The following DPP6 variants were observed in gnomAD, a reference collection of about 807,000 sequenced individuals.
DPP6 encodes dipeptidyl peptidase like 6.
Under a neutral mutation model 122.6 loss-of-function variants are expected in DPP6, and 69 were observed. The ratio of observed to expected loss-of-function variants is 0.56; its 90% confidence interval spans 0.46 to 0.69. The LOEUF (loss-of-function observed/expected upper bound fraction) is 0.69. Ranked by LOEUF, DPP6 falls within the 30% of genes least tolerant of loss-of-function variation. DPP6 has a pLI of 0.00. For missense variants in DPP6, 928 were observed against 1,116.9 expected, an observed-to-expected ratio of 0.83 and a Z score of 2.41; for synonymous variants, 418 against 433.1, an observed-to-expected ratio of 0.97 and a Z score of 0.43.
chr7:154,448,355 A>G (rs954248751), intron 2 of DPP6, among the ~76,000 whole-genome samples: 2 of 152,206 alleles, frequency 1.3e-5, no homozygotes, highest in African/African-American at 4.8e-5. Flanking sequence ...TAAGATACTT[A>G]AGAATAAATT....
At chr7:154,763,114 C>G (rs1795663991) in intron 8 of DPP6, among the ~76,000 whole-genome samples, 1 of 152,164 alleles carries the variant, frequency 6.6e-6, no homozygotes, top group African/African-American at 2.4e-5. Flanking sequence ...GGTGGATCAC[C>G]CGAGGTCAGG....
intron 16 of DPP6, among the ~76,000 whole-genome samples, chr7:154,849,382 A>G (rs928251688): frequency 1.1e-4 from 17 of 152,232 alleles, no homozygotes; most frequent in Non-Finnish European, 1.9e-4. Context: ...TTCAGTATAC[A>G]TATTTTTTAC....
At chr7:153,819,189 C>A in the DPP6 span, among the ~76,000 whole-genome samples, 1 of 130,736 alleles carries the variant, frequency 7.6e-6, no homozygotes, top group African/African-American at 3.0e-5. Flanking sequence ...TTTTATTACC[C>A]AGGTATGAAG....
At chr7:153,983,146 A>G (rs1796675932) in intron 1 of DPP6, among the ~76,000 whole-genome samples, 1 of 152,220 alleles carries the variant, frequency 6.6e-6, no homozygotes, top group Non-Finnish European at 1.5e-5. Flanking sequence ...CTGCGCCCAC[A>G]GCCGCCCCTT....
At chr7:154,292,428 G>C (rs184644868) in intron 1 of DPP6, among the ~76,000 whole-genome samples, 1 of 152,304 alleles carries the variant, frequency 6.6e-6, no homozygotes, top group African/African-American at 2.4e-5. Flanking sequence ...AGGGCAATCT[G>C]TCAGCATTCG....
chr7:154,162,932 G>A (rs1464454357), intron 1 of DPP6, among the ~76,000 whole-genome samples: 1 of 151,318 alleles, frequency 6.6e-6, no homozygotes, highest in Non-Finnish European at 1.5e-5. Context: ...CACCCAGAAT[G>A]TATGCCTTGC....
At chr7:153,813,337 C>T in the DPP6 span, among the ~76,000 whole-genome samples, 1 of 152,102 alleles carries the variant, frequency 6.6e-6, no homozygotes, top group Non-Finnish European at 1.5e-5. Context: ...TCATCCATGT[C>T]CCTACAAAGG....
chr7:154,371,263 C>T (rs1205091999), intron 1 of DPP6, among the ~76,000 whole-genome samples: 1 of 151,000 alleles, frequency 6.6e-6, no homozygotes, highest in Non-Finnish European at 1.5e-5. Flanking sequence ...CCTATAATCC[C>T]AGCTACTCGG....
Position 154,867,983 on chromosome 7 carries a change from C to A in DPP6, c.1715-12C>A. ...ACTGCATCTCAGTGTGTCCCTGTTT[C>A]CTCTCTTTCAGAAATGTTTGACCTA... On this transcript the variant is annotated splice_polypyrimidine_tract_variant and intron_variant, in intron 17 of 25. Coordinates refer to ENST00000377770, the MANE Select transcript of DPP6 (RefSeq NM_130797.4). The A allele has an allele frequency of 1.3e-6, 2 of 1,583,560 alleles. No homozygotes were observed. Among genetic ancestry groups the A allele is most frequent in the Non-Finnish European group, 1.7e-6 (2 of 1,164,646 alleles).
chr7:154,304,565 G>GTTT (rs112016529), intron 1 of DPP6, among the ~76,000 whole-genome samples: 8 of 149,440 alleles, frequency 5.4e-5, no homozygotes, highest in Admixed American at 5.3e-4. Flanking sequence ...AGGCTGGAAT[G>GTTT]TTTTTTTTTT....
chr7:154,444,239 C>T (rs1051867651), intron 1 of DPP6, among the ~76,000 whole-genome samples: 2 of 151,502 alleles, frequency 1.3e-5, no homozygotes, highest in Non-Finnish European at 1.5e-5. Context: ...GGGCGGATCG[C>T]AAGGTCAGGA....
At position 154,371,401 on chromosome 7, in the gene DPP6, AAAAGAAAG is replaced by A. The variant is rs55798623; in HGVS notation, c.244-74799_244-74792del. On this transcript the variant is annotated intron_variant, in intron 1 of 25. Transcript: ENST00000377770. Reference sequence around the variant, plus strand: ...CTCAAAAAAAAAAAAAAAAAAAAAAAAAAGAAAGAAAGAAAGAAAGACAGAAAAAACAA... The same window carrying A: ...CTCAAAAAAAAAAAAAAAAAAAAAAAAAAGAAAGAAAGACAGAAAAAACAA... 2.2e-4 allele frequency among the ~76,000 whole-genome samples: 26 copies of A among 120,618 alleles called. 2 individuals carry two copies. The highest frequency in any genetic ancestry group is 1.1e-3 in the African/African-American group (24 of 22,504). 79.1% of individuals were successfully genotyped at this position (120,618 alleles called of 152,430 possible). A position where few individuals can be genotyped will look rare whatever the true frequency, so the allele number is the denominator to read the frequency against.
rs117623570 is a variant in DPP6, at chr7:154,491,008, G to A, written c.457+15971G>A. ...GAACACGCACGTGCGATATACAAAG[G>A]ACAAAATGCATGTGTGATGGTCAGC... is the stretch of plus-strand genomic sequence containing the variant. On this transcript the variant is annotated intron_variant, in intron 3 of 25. Coordinates refer to ENST00000377770, the MANE Select transcript of DPP6 (RefSeq NM_130797.4). Among the ~76,000 whole-genome samples the A allele has an allele frequency of 3.6e-3, 546 of 152,312 alleles. 9 individuals carry two copies. The South Asian group carries it at 0.052, about 14-fold the overall frequency.
chr7:154,183,628 G>C (rs902223600), intron 1 of DPP6, among the ~76,000 whole-genome samples: 2 of 152,084 alleles, frequency 1.3e-5, no homozygotes, highest in Admixed American at 6.6e-5. Context: ...GAAGGCTTGC[G>C]TGGTTCCCAC....
chr7:154,654,108 T>A (rs1837065291), intron 6 of DPP6, among the ~76,000 whole-genome samples: 1 of 152,108 alleles, frequency 6.6e-6, no homozygotes, highest in South Asian at 2.1e-4. Context: ...TTATAAGTAG[T>A]CTAGAGGTGG....
At chr7:154,605,848 T>C (rs1164448245) in intron 5 of DPP6, among the ~76,000 whole-genome samples, 1 of 119,864 alleles carries the variant, frequency 8.3e-6, no homozygotes, top group Non-Finnish European at 1.9e-5. Flanking sequence ...TTCTCTATTA[T>C]TTTAGCTGGA....
intron 1 of DPP6, among the ~76,000 whole-genome samples, chr7:154,141,920 G>A (rs1471383756): frequency 6.6e-6 from 1 of 152,140 alleles, no homozygotes; most frequent in African/African-American, 2.4e-5. Context: ...ATTTGAATAT[G>A]ATTTACTGCC....
At chr7:154,627,000 C>CTTTTTTTTTTTTTTTT (rs552919287) in intron 5 of DPP6, among the ~76,000 whole-genome samples, 1 of 52,092 alleles carries the variant, frequency 1.9e-5, no homozygotes, top group Non-Finnish European at 3.4e-5. Context: ...GAAATTTTTT[C>CTTTTTTTTTTTTTTTT]TTTTTTTTTT....
chr7:154,569,022 C>T (rs929770225), intron 5 of DPP6, among the ~76,000 whole-genome samples: 4 of 152,070 alleles, frequency 2.6e-5, no homozygotes, highest in African/African-American at 9.7e-5. Context: ...AGTAGTGTGT[C>T]TTCTCTCTGA....
Sources: allele counts gnomAD v4.1 joint callset (sites outside exome capture counted in the v4.1 genomes callset), GRCh38; gene constraint gnomAD v4.1.1; transcripts MANE v1.5; gene names NCBI Gene and HGNC (gene_info 2026-07-23, HGNC 2026-07-21).